KCNT2: variants seen among roughly 807,000 people sequenced by gnomAD.
KCNT2 encodes potassium channel subfamily T member 2.
Under a neutral mutation model 153.8 loss-of-function variants are expected in KCNT2, and 67 were observed. The ratio of observed to expected loss-of-function variants is 0.44; its 90% CI spans 0.36 to 0.53. The LOEUF (loss-of-function observed/expected upper bound fraction) is 0.53, where lower values mean the gene tolerates loss of function less well. Ranked by LOEUF, KCNT2 falls within the 20% of genes least tolerant of loss-of-function variation. KCNT2 has a pLI of 0.00. For synonymous variants in KCNT2, 500 were observed against 458.8 expected (o/e 1.09, Z -1.15); for missense variants, 975 against 1,354.8 (o/e 0.72, Z 4.40).
In KCNT2 at chr1:196,410,105, T is replaced by C. The variant is rs376416707; in HGVS notation, c.1186-11434A>G. ...GCCACTTGTATGTCTTCTTTGGAGA[T>C]ATTTCCATTCAAGTCATTTGCCCAT... On this transcript the variant is annotated intron_variant, in intron 12 of 27. Coordinates refer to ENST00000294725, the MANE Select transcript of KCNT2 (RefSeq NM_198503.5). Among the ~76,000 whole-genome samples, 4 of 151,706 alleles carry C rather than the reference T, an allele frequency of 2.6e-5. No individual in the cohort carries two copies. In the East Asian group the frequency reaches 5.8e-4, roughly 22 times the overall value.
intron 1 of KCNT2, among the ~76,000 whole-genome samples, chr1:196,500,205 GGA>G (rs1209616983): frequency 3.1e-4 from 40 of 129,556 alleles, no homozygotes; most frequent in Non-Finnish European, 3.4e-4. Flanking sequence ...GGAAGGAGGG[GGA>G]GAGAGAGAGA....
chr1:196,423,109 C>G lies in KCNT2; in HGVS notation c.1126G>C (p.Asp376His). Residue 376 changes from aspartate (D) to histidine (H), a missense_variant, in exon 12 of 28, where the codon GAT becomes CAT. Physicochemically the swap from Asp to His is moderately conservative, Grantham distance 81. Around this residue, in one of 6 missense-constraint regions of KCNT2, gnomAD observed 202 missense variants for 314.9 expected, o/e 0.64. Coordinates refer to ENST00000294725, the MANE Select transcript of KCNT2 (RefSeq NM_198503.5). ...KDQDLLRAKM[D>H]DAEACFILSS... ...AGAATAAAACAGGCCTCAGCGTCAT[C>G]CATCCTAAATACAGATGGAAAAACA... The G allele has an allele frequency of 6.3e-7, 1 of 1,597,484 alleles. No homozygotes were observed. The highest frequency in any genetic ancestry group is 2.3e-5 in the East Asian group (1 of 44,236).
chr1:196,571,279 G>A (rs1041253858), intron 1 of KCNT2, among the ~76,000 whole-genome samples: 11 of 152,014 alleles, frequency 7.2e-5, no homozygotes, highest in African/African-American at 2.7e-4. Flanking sequence ...AGTATCTGTT[G>A]GAAGAATTTA....
At chr1:196,599,448 C>T (rs1664464213) in intron 1 of KCNT2, among the ~76,000 whole-genome samples, 1 of 152,134 alleles carries the variant, frequency 6.6e-6, no homozygotes, top group Admixed American at 6.6e-5. Flanking sequence ...TGTTTTCTGG[C>T]TTTATATGCA....
At chr1:196,295,830 A>T (rs1354208935) in intron 22 of KCNT2, among the ~76,000 whole-genome samples, 1 of 152,040 alleles carries the variant, frequency 6.6e-6, no homozygotes, top group Non-Finnish European at 1.5e-5. Context: ...TTTAAAGATA[A>T]TATTTAAATA....
At chr1:196,500,739 G>T (rs1304411562) in intron 1 of KCNT2, among the ~76,000 whole-genome samples, 2 of 151,996 alleles carry the variant, frequency 1.3e-5, no homozygotes, top group Non-Finnish European at 2.9e-5. Flanking sequence ...TACACCAAAG[G>T]AAACAAACAG....
chr1:196,371,343 G>A lies in KCNT2; in HGVS notation c.1403+1797C>T, dbSNP rs549812373. ...AAATAGATTGTGGTTGCCTAGGGCTGCAAGAATTGGTGGGGGGAAAATGTA... is the reference window on the plus strand; with the variant it reads ...AAATAGATTGTGGTTGCCTAGGGCTACAAGAATTGGTGGGGGGAAAATGTA... On this transcript the variant is annotated intron_variant, in intron 14 of 27. Transcript: ENST00000294725. Among the ~76,000 whole-genome samples, 5 of 151,788 alleles carry A rather than the reference G, an allele frequency of 3.3e-5. No homozygotes were observed. The South Asian group carries it at 1.0e-3, about 32-fold the overall frequency.
At chr1:196,370,879 AGTGCTG>A in intron 14 of KCNT2, among the ~76,000 whole-genome samples, 1 of 152,250 alleles carries the variant, frequency 6.6e-6, no homozygotes, top group Middle Eastern at 3.4e-3. Flanking sequence ...AAAGGAATAA[AGTGCTG>A]GTGCATATTA....
chr1:196,419,821 C>T (rs1159720953), intron 12 of KCNT2, among the ~76,000 whole-genome samples: 2 of 151,898 alleles, frequency 1.3e-5, no homozygotes, highest in African/African-American at 2.4e-5. Context: ...CCTCATATGC[C>T]TTTTCCTTTT....
chr1:196,603,835 GTGT>G (rs1345193093), intron 1 of KCNT2, among the ~76,000 whole-genome samples: 1 of 152,210 alleles, frequency 6.6e-6, no homozygotes, highest in Non-Finnish European at 1.5e-5. Flanking sequence ...CACATTAAGT[GTGT>G]TGTGTTCCAA....
At chr1:196,409,565 T>C (rs887574571) in intron 12 of KCNT2, among the ~76,000 whole-genome samples, 13 of 151,702 alleles carry the variant, frequency 8.6e-5, no homozygotes, top group African/African-American at 2.9e-4. Flanking sequence ...TTATCATTTC[T>C]GGCTTTCTGA....
At chr1:196,471,716 ATC>A (rs147263724) in intron 5 of KCNT2, among the ~76,000 whole-genome samples, 4,526 of 152,188 alleles carry the variant, frequency 0.03, 226 homozygotes, top group African/African-American at 0.1. Context: ...AAAACCTTTT[ATC>A]TCTCTTATGT....
intron 1 of KCNT2, among the ~76,000 whole-genome samples, chr1:196,548,554 G>T: frequency 6.6e-6 from 1 of 151,960 alleles, no homozygotes; most frequent in East Asian, 1.9e-4. Context: ...TACACTGTTG[G>T]TGGGACTGTA....
chr1:196,383,607 A>G (rs1400023195), intron 13 of KCNT2, among the ~76,000 whole-genome samples: 1 of 152,196 alleles, frequency 6.6e-6, no homozygotes, highest in Non-Finnish European at 1.5e-5. Context: ...GCTGAACAGT[A>G]TAAATAAGAC....
intron 13 of KCNT2, among the ~76,000 whole-genome samples, chr1:196,376,640 C>T (rs190784840): frequency 2.0e-5 from 3 of 151,948 alleles, no homozygotes; most frequent in African/African-American, 4.8e-5. Context: ...TTTAGCATTC[C>T]ACCTTGTAAG....
intron 13 of KCNT2, among the ~76,000 whole-genome samples, chr1:196,396,033 A>G (rs1019698304): frequency 3.3e-5 from 5 of 151,640 alleles, no homozygotes; most frequent in Admixed American, 1.3e-4. Flanking sequence ...AGTAACCTCC[A>G]AACTTCAGTG....
intron 1 of KCNT2, among the ~76,000 whole-genome samples, chr1:196,573,720 C>A (rs1008461850): frequency 1.3e-5 from 2 of 151,964 alleles, no homozygotes; most frequent in Middle Eastern, 3.4e-3. Flanking sequence ...GAATGAGCTA[C>A]CTCAGAAAAC....
intron 14 of KCNT2, among the ~76,000 whole-genome samples, chr1:196,368,142 G>A (rs1668197055): frequency 6.6e-6 from 1 of 152,002 alleles, no homozygotes; most frequent in Non-Finnish European, 1.5e-5. Flanking sequence ...CATTACATGG[G>A]GCAGAACACA....
At chr1:196,342,030 T>A (rs1468485998) in intron 15 of KCNT2, 49 bp downstream of exon 15, 4 of 1,563,386 alleles carry the variant, frequency 2.6e-6, no homozygotes, top group Non-Finnish European at 3.5e-6. Flanking sequence ...TTTCACATGA[T>A]ATGCTTGACT....
Sources: allele counts gnomAD v4.1 joint callset (sites outside exome capture counted in the v4.1 genomes callset), GRCh38; gene constraint gnomAD v4.1.1; regional missense constraint gnomAD v4.1.1; transcripts MANE v1.5; gene names NCBI Gene and HGNC (gene_info 2026-07-23, HGNC 2026-07-21).